SERPINA7: variants seen among roughly 807,000 people sequenced by gnomAD.
SERPINA7 encodes the protein thyroxine-binding globulin.
Under a neutral mutation model 16.0 loss-of-function variants are expected in SERPINA7, and 14 were observed. The ratio of observed to expected loss-of-function variants is 0.88; its 90% confidence interval spans 0.58 to 1.37. The LOEUF (loss-of-function observed/expected upper bound fraction) is 1.37. Ranked by LOEUF, SERPINA7 falls within the 40% of genes most tolerant of loss-of-function variation. The probability of loss-of-function intolerance (pLI) is 0.00; values close to 1 mark genes in which losing one functional copy is unlikely to be tolerated. For missense variants in SERPINA7, 335 were observed against 296.6 expected, an observed-to-expected ratio of 1.13 and a Z score of -0.95; for synonymous variants, 140 against 111.0, an observed-to-expected ratio of 1.26 and a Z score of -1.65.
At position 106,033,712 on chromosome X, in the gene SERPINA7, G is replaced by A; in HGVS notation, c.1045-9C>T. On this transcript the variant is annotated splice_polypyrimidine_tract_variant and intron_variant, in intron 4 of 4. Transcript: ENST00000372563. ...ACAGCCTTATGGGCAGCCTGTGTGG[G>A]GAGAACAAATCCTGCGGGTCTCTGA... The A allele has an allele frequency of 1.7e-6, 2 of 1,211,077 alleles. No individual in the cohort carries two copies. Among genetic ancestry groups the A allele is most frequent in the Non-Finnish European group, 2.2e-6 (2 of 894,888 alleles).
chrX:106,036,373 TC>T (rs886166735), intron 2 of SERPINA7, 63 bp downstream of exon 2: 10 of 1,142,266 alleles, frequency 8.8e-6, no homozygotes, highest in Non-Finnish European at 1.2e-5. Context: ...GACCATGAGC[TC>T]CCCTCAGCAC....
rs146242514 is a variant in SERPINA7 at position 106,033,598 on chromosome X, T to C, written c.1150A>G (p.Ile384Val). Residue 384 changes from isoleucine (I) to valine (V), a missense_variant, in exon 5 of 5, where the codon ATT becomes GTT. Ile to Val is a conservative substitution (Grantham distance 29). Transcript: ENST00000372563. ...ATGAAAGATCTATCAATTTGGATAA[T>C]AGGGTGTAGGAAAGTGTTTTCAGGC... The part of the protein sequence containing the change: ...DQPENTFLHP[I>V]IQIDRSFMLL... 7.1e-5 allele frequency: 86 copies of C among 1,209,288 alleles called. No homozygotes were observed. The African/African-American group carries it at 1.2e-3, about 16-fold the overall frequency.
chrX:106,035,452 A>G, intron 2 of SERPINA7, 67 bp from the exon 3 acceptor site: 1 of 1,049,338 alleles, frequency 9.5e-7, no homozygotes, highest in African/African-American at 1.8e-5. Context: ...GACCTTTTCC[A>G]TTAGTGATTT....
At position 106,034,293 on chromosome X, in the gene SERPINA7, T is replaced by C. The variant is rs61754490; in HGVS notation, c.986A>G (p.Tyr329Cys). 1.7e-6 allele frequency: 2 copies of C among 1,208,275 alleles called. No individual in the cohort carries two copies. Among genetic ancestry groups the C allele is most frequent in the Admixed American group, 4.3e-5 (2 of 45,982 alleles). The change falls in exon 4 of 5, where the codon TAT becomes TGT. Residue 329 changes from tyrosine (Y) to cysteine (C), a missense_variant. Tyr to Cys is a radical substitution (Grantham distance 194). Coordinates refer to ENST00000372563, the MANE Select transcript of SERPINA7 (RefSeq NM_000354.6). ...TCCAGAAAAATCAGCATTTTCAGAA[T>C]AGGCATGCTGAATGCCCATCTTCAA... ...TLLKMGIQHA[Y>C]SENADFSGLT...
At position 106,036,612 on chromosome X, in the gene SERPINA7, A is replaced by G. The variant is rs1223496136; in HGVS notation, c.447T>C (p.Asp149=). Residue 149 remains aspartate, a synonymous_variant, in exon 2 of 5, where the codon GAT becomes GAC. Transcript: ENST00000372563. ...HLKPLAKFLN[D]VKTLYETEVF... ...CTTCAGTCTCATAGAGGGTCTTGAC[A>G]TCATTCAAGAACTTTGCCAGTGGTT... The G allele has an allele frequency of 1.7e-6, 2 of 1,207,919 alleles. No individual in the cohort carries two copies. The highest frequency in any genetic ancestry group is 2.2e-5 in the Admixed American group (1 of 45,591).
intron 3 of SERPINA7, among the ~76,000 whole-genome samples, chrX:106,034,651 C>G (rs1386351863): frequency 4.5e-5 from 5 of 111,798 alleles, no homozygotes; most frequent in Non-Finnish European, 3.8e-5. Context: ...GAGGTGACGA[C>G]CAAGGTTGGG....
intron 2 of SERPINA7, among the ~76,000 whole-genome samples, chrX:106,035,883 GC>G (rs768077695): frequency 8.9e-6 from 1 of 112,218 alleles, no homozygotes; most frequent in East Asian, 2.8e-4. Context: ...GTTTCTACAA[GC>G]ACCAGCTTTA....
In SERPINA7 at chrX:106,034,387, G is replaced by A; in HGVS notation, c.897-5C>T. The A allele has an allele frequency of 8.3e-7, 1 of 1,198,907 alleles. No individual in the cohort carries two copies. Among genetic ancestry groups the A allele is most frequent in the East Asian group, 3.0e-5 (1 of 33,723 alleles). Reference sequence around the variant, plus strand: ...GGAACAAACAAGTCAACCCATCTGTGGGAAAAGAGGAAGGGAACACATGGC... The same window carrying A: ...GGAACAAACAAGTCAACCCATCTGTAGGAAAAGAGGAAGGGAACACATGGC... On this transcript the variant is annotated splice_polypyrimidine_tract_variant and splice_region_variant and intron_variant, in intron 3 of 4. Coordinates refer to ENST00000372563, the MANE Select transcript of SERPINA7 (RefSeq NM_000354.6).
chrX:106,033,874 C>T (rs780963785), intron 4 of SERPINA7, 171 bp from the exon 5 acceptor site: 5 of 949,252 alleles, frequency 5.3e-6, no homozygotes, highest in South Asian at 2.4e-5. Context: ...CATTCTCTGG[C>T]GATTCTACGG....
Position 106,035,182 on chromosome X carries a change from G to A in SERPINA7, c.826C>T (p.Gln276Ter). ...ATGGCAGCTTCCACTGACTCCATCTGTCCCTCCTTGGGAAGAACAAAGAGT... is the reference window on the plus strand; with the variant it reads ...ATGGCAGCTTCCACTGACTCCATCTATCCCTCCTTGGGAAGAACAAAGAGT... ...LALFVLPKEG[Q>*]MESVEAAMSS... Residue 276 changes from glutamine to a stop codon, truncating the protein, a stop_gained, in exon 3 of 5, where the codon CAG becomes TAG. Coordinates refer to ENST00000372563, the MANE Select transcript of SERPINA7 (RefSeq NM_000354.6). LOFTEE classifies it high-confidence loss of function. The A allele has an allele frequency of 8.3e-7, 1 of 1,211,361 alleles. No individual in the cohort carries two copies. Among genetic ancestry groups the A allele is most frequent in the Non-Finnish European group, 1.1e-6 (1 of 895,158 alleles).
rs72554662 is a variant in SERPINA7, at chrX:106,036,932, A to T, written c.127T>A (p.Ser43Thr). The change falls in exon 2 of 5, where the codon TCA becomes ACA. Residue 43 changes from serine to threonine, a missense_variant. Physicochemically the swap from Ser to Thr is moderately conservative, Grantham distance 58. Transcript: ENST00000372563. ...AATGCAAAGTCAGCATTAATGGATG[A>T]CATCTTGTAGAGAGTGGCATTTGGT... is the stretch of plus-strand genomic sequence containing the variant. ...SQPNATLYKMSSINADFAFNL... is the reference protein window; with the variant it reads ...SQPNATLYKMTSINADFAFNL... 3.1e-5 allele frequency: 38 copies of T among 1,209,554 alleles called. No individual in the cohort carries two copies. The highest frequency in any genetic ancestry group is 4.2e-5 in the Non-Finnish European group (38 of 894,971).
rs1238112106 is a variant in SERPINA7 at position 106,033,550 on chromosome X, T to C, written c.1198A>G (p.Thr400Ala). The C allele has an allele frequency of 8.3e-7, 1 of 1,211,218 alleles. No individual in the cohort carries two copies. The highest frequency in any genetic ancestry group is 2.2e-5 in the Admixed American group (1 of 46,046). Residue 400 changes from threonine to alanine, a missense_variant, in exon 5 of 5, where the codon ACA (threonine) becomes GCA (alanine). Physicochemically the swap from Thr to Ala is moderately conservative, Grantham distance 58 (BLOSUM62 0). Transcript: ENST00000372563. ...SFMLLILERSTRSILFLGKVV... is the reference protein window; with the variant it reads ...SFMLLILERSARSILFLGKVV... ...TTCCCTAGAAAGAGAATACTCCTTGTGCTTCTCTCCAAAATCAACAACATG... is the reference window on the plus strand; with the variant it reads ...TTCCCTAGAAAGAGAATACTCCTTGCGCTTCTCTCCAAAATCAACAACATG...
intron 3 of SERPINA7, 92 bp downstream of exon 3, chrX:106,035,020 G>A: frequency 9.6e-7 from 1 of 1,041,722 alleles, no homozygotes; most frequent in South Asian, 1.9e-5. Flanking sequence ...GGTAGTTCAG[G>A]GTGATTCTTC....
In SERPINA7 at chrX:106,035,289, T is replaced by C; in HGVS notation, c.719A>G (p.Gln240Arg). 1 of 1,210,546 alleles carries C rather than the reference T, an allele frequency of 8.3e-7. No individual in the cohort carries two copies. Among genetic ancestry groups the C allele is most frequent in the Non-Finnish European group, 1.1e-6 (1 of 894,282 alleles). The change falls in exon 3 of 5, where the codon CAG becomes CGG. Residue 240 changes from glutamine (Q) to arginine (R), a missense_variant. Transcript: ENST00000372563. The part of the protein sequence containing the change: ...TTTVQVPMMH[Q>R]MEQYYHLVDM... The stretch of plus-strand genomic sequence containing the variant: ...CACTAGGTGATAGTATTGTTCCATC[T>C]GGTGCATCATGGGCACTTGAACAGT...
At chrX:106,035,066 C>A (rs370955959) in intron 3 of SERPINA7, 46 bp downstream of exon 3, 19 of 1,202,111 alleles carry the variant, frequency 1.6e-5, no homozygotes, top group Non-Finnish European at 2.1e-5. Flanking sequence ...GTCTCACCTG[C>A]ACTTTTATGC....
At position 106,035,237 on chromosome X, in the gene SERPINA7, C is replaced by T. The variant is rs748511637; in HGVS notation, c.771G>A (p.Leu257=). 27 of 1,211,095 alleles carry T rather than the reference C, an allele frequency of 2.2e-5. No individual in the cohort carries two copies. Among genetic ancestry groups the T allele is most frequent in the Non-Finnish European group, 3.0e-5 (27 of 895,099 alleles). ...GAGCATTCTTGCTGTAGTCCATTTG[C>T]AGAACTGTGCAGTTCAATTCCATAT... is the stretch of plus-strand genomic sequence containing the variant. ...LVDMELNCTV[L]QMDYSKNALA... The change falls in exon 3 of 5, where the codon CTG becomes CTA. Residue 257 remains leucine (L), a synonymous_variant. Coordinates refer to ENST00000372563, the MANE Select transcript of SERPINA7 (RefSeq NM_000354.6).
Position 106,035,356 on chromosome X carries a change from TGGATGGATCAAAA to T in SERPINA7, c.639_651del (p.Phe214ArgfsTer9). The T allele has an allele frequency of 8.3e-7, 1 of 1,211,520 alleles. No individual in the cohort carries two copies. The highest frequency in any genetic ancestry group is 3.0e-5 in the East Asian group (1 of 33,818). On this transcript the variant is annotated frameshift_variant, in exon 3 of 5. Transcript: ENST00000372563. LOFTEE classifies it high-confidence loss of function. ...AAGAAGCTGGAACTGTCTTCTGTCT[TGGATGGATCAAAA>T]GGATTTGCCCACTGGGCTTAAAATA...
Position 106,033,461 on chromosome X carries a change from C to T in SERPINA7, c.*39G>A. The T allele has an allele frequency of 1.4e-5, 17 of 1,193,871 alleles. No homozygotes were observed. The highest frequency in any genetic ancestry group is 1.9e-5 in the Non-Finnish European group (17 of 879,414). ...TATATTATTTATTTATTTCCCATTG[C>T]AATACACACGTGCAATTAGCCAATG... On this transcript the variant is annotated 3_prime_UTR_variant, in exon 5 of 5. Coordinates refer to ENST00000372563, the MANE Select transcript of SERPINA7 (RefSeq NM_000354.6).
In SERPINA7 at chrX:106,035,157, A is replaced by T. The variant is rs1216028702; in HGVS notation, c.851T>A (p.Met284Lys). 1 of 1,209,829 alleles carries T rather than the reference A, an allele frequency of 8.3e-7. No homozygotes were observed. Among genetic ancestry groups the T allele is most frequent in the Non-Finnish European group, 1.1e-6 (1 of 895,038 alleles). ...CCACTTCTTCAGTGTTTTAGATGAC[A>T]TGGCAGCTTCCACTGACTCCATCTG... ...EGQMESVEAA[M>K]SSKTLKKWNR... is the part of the protein sequence containing the mutation. The change falls in exon 3 of 5, where the codon ATG becomes AAG. Residue 284 changes from methionine to lysine, a missense_variant. Transcript: ENST00000372563.
Sources: allele counts gnomAD v4.1 joint callset (sites outside exome capture counted in the v4.1 genomes callset), GRCh38; gene constraint gnomAD v4.1.1; transcripts MANE v1.5; gene names NCBI Gene and HGNC (gene_info 2026-07-23, HGNC 2026-07-21).